Variants in DPP6 observed in about 807,000 individuals in gnomAD.
DPP6 encodes the protein A-type potassium channel modulatory protein DPP6.
Under a neutral mutation model 122.6 loss-of-function variants are expected in DPP6, and 69 were observed. That is an observed-to-expected ratio of 0.56 (90% CI 0.46 to 0.69). DPP6 has a LOEUF of 0.69. Among genes scored for constraint, DPP6 ranks in the 30% least tolerant of loss-of-function variants. DPP6 has a pLI of 0.00. For synonymous variants in DPP6, 418 were observed against 433.1 expected (o/e 0.97, Z 0.43); for missense variants, 928 against 1,116.9 (o/e 0.83, Z 2.41).
At chr7:153,935,534 A>G (rs758315) in intron 1 of DPP6, among the ~76,000 whole-genome samples, 86,068 of 152,038 alleles carry the variant, frequency 0.57, 24,809 homozygotes, top group African/African-American at 0.67. Flanking sequence ...GCCCCTCTCG[A>G]TTATGATCCA....
chr7:154,790,869 G>A (rs1797631569), intron 10 of DPP6, among the ~76,000 whole-genome samples: 1 of 147,118 alleles, frequency 6.8e-6, no homozygotes, highest in South Asian at 2.2e-4. Context: ...GAGGGAGGGA[G>A]GGAAAAAAGA....
intron 1 of DPP6, among the ~76,000 whole-genome samples, chr7:154,233,823 T>C (rs146225778): frequency 6.6e-6 from 1 of 152,288 alleles, no homozygotes; most frequent in Non-Finnish European, 1.5e-5. Context: ...ACAGCAGCCC[T>C]AGTAAACAAA....
At chr7:154,873,874 GCA>G (rs146495804) in intron 19 of DPP6, among the ~76,000 whole-genome samples, 37,701 of 119,938 alleles carry the variant, frequency 0.31, 5,689 homozygotes, top group Non-Finnish European at 0.41. Context: ...ACACCCACAG[GCA>G]CACACATGCA....
In DPP6 at chr7:154,540,631, G is replaced by A; in HGVS notation, c.552+5G>A. 6.6e-7 allele frequency: 1 copy of A among 1,515,026 alleles called. No homozygotes were observed. The highest frequency in any genetic ancestry group is 9.0e-7 in the Non-Finnish European group (1 of 1,114,274). 93.8% of individuals were successfully genotyped at this position (1,515,026 alleles called of 1,614,324 possible). A position where few individuals can be genotyped will look rare whatever the true frequency, so the allele number is the denominator to read the frequency against. On this transcript the variant is annotated splice_donor_5th_base_variant and intron_variant, in intron 4 of 25. Transcript: ENST00000377770. ...TTAATAGAAGGCAAAAAAATTGTAA[G>A]TACTCTCTTTAATGACCGGGATAAT...
intron 21 of DPP6, chr7:154,884,244 C>G (rs2150686789): frequency 6.8e-6 from 1 of 147,130 alleles, no homozygotes; most frequent in Non-Finnish European, 1.5e-5. Context: ...CACACATGCT[C>G]ACAAATTACA....
chr7:154,791,243 G>C (rs990419374), intron 10 of DPP6, among the ~76,000 whole-genome samples: 3 of 151,964 alleles, frequency 2.0e-5, no homozygotes, highest in Non-Finnish European at 4.4e-5. Flanking sequence ...AATAGAGTGA[G>C]ACTCTGTCTC....
intron 8 of DPP6, among the ~76,000 whole-genome samples, chr7:154,729,685 T>C (rs1333597300): frequency 6.6e-6 from 1 of 152,174 alleles, no homozygotes; most frequent in African/African-American, 2.4e-5. Flanking sequence ...CTAACAGACA[T>C]ACTGGAACCC....
intron 1 of DPP6, among the ~76,000 whole-genome samples, chr7:154,063,295 CCA>C (rs1482273517): frequency 3.8e-5 from 5 of 131,558 alleles, no homozygotes; most frequent in South Asian, 2.8e-4. Flanking sequence ...GAGGGACCCC[CCA>C]TGAGGCGGGG....
chr7:154,210,866 G>A (rs4626513), intron 1 of DPP6, among the ~76,000 whole-genome samples: 90,027 of 151,698 alleles, frequency 0.59, 29,841 homozygotes, highest in Non-Finnish European at 0.73. Context: ...AAAGGCAGCC[G>A]TAATCGTTAG....
At chr7:154,030,332 C>G (rs1799163747) in intron 1 of DPP6, among the ~76,000 whole-genome samples, 1 of 152,176 alleles carries the variant, frequency 6.6e-6, no homozygotes, top group Non-Finnish European at 1.5e-5. Flanking sequence ...GTTCCTTTGT[C>G]CAGTGCTGTG....
At chr7:154,594,509 A>T (rs1832976972) in intron 5 of DPP6, among the ~76,000 whole-genome samples, 1 of 152,104 alleles carries the variant, frequency 6.6e-6, no homozygotes, top group Non-Finnish European at 1.5e-5. Context: ...TGTCCTTCTC[A>T]CCCCAGGTTA....
At chr7:154,513,532 A>T (rs1446057576) in intron 3 of DPP6, among the ~76,000 whole-genome samples, 1 of 152,062 alleles carries the variant, frequency 6.6e-6, no homozygotes, top group Non-Finnish European at 1.5e-5. Flanking sequence ...TTCATGGGGG[A>T]ATGTAAGTGT....
intron 1 of DPP6, among the ~76,000 whole-genome samples, chr7:153,923,457 T>C (rs889631824): frequency 2.0e-5 from 3 of 152,100 alleles, no homozygotes; most frequent in African/African-American, 7.2e-5. Flanking sequence ...GCAGTGTTCA[T>C]GAATAGAAGG....
intron 1 of DPP6, among the ~76,000 whole-genome samples, chr7:153,965,715 G>A (rs28405686): frequency 0.092 from 13,935 of 151,442 alleles, 857 homozygotes; most frequent in Middle Eastern, 0.18. Context: ...GGTTTCACCT[G>A]TGCGGTGGCT....
intron 1 of DPP6, among the ~76,000 whole-genome samples, chr7:154,337,600 A>T (rs890341642): frequency 1.3e-5 from 2 of 152,172 alleles, no homozygotes; most frequent in Non-Finnish European, 2.9e-5. Context: ...GAGCTCAGAG[A>T]TGTCCTCTGT....
At chr7:154,304,576 C>CCT (rs373376579) in intron 1 of DPP6, among the ~76,000 whole-genome samples, 3,833 of 149,478 alleles carry the variant, frequency 0.026, 163 homozygotes, top group African/African-American at 0.089. Context: ...TTTTTTTTTT[C>CCT]CTCTCTCTCT....
intron 1 of DPP6, among the ~76,000 whole-genome samples, chr7:154,151,084 G>A (rs2150685491): frequency 6.6e-6 from 1 of 152,320 alleles, no homozygotes; most frequent in East Asian, 1.9e-4. Flanking sequence ...TGCATAGCAA[G>A]CTTGTCCCTA....
intron 1 of DPP6, among the ~76,000 whole-genome samples, chr7:154,061,403 G>T (rs1159008054): frequency 6.8e-6 from 1 of 146,890 alleles, no homozygotes; most frequent in African/African-American, 2.5e-5. Flanking sequence ...AAACTGTGGG[G>T]CCCTGGCTGA....
the DPP6 span, among the ~76,000 whole-genome samples, chr7:153,788,982 G>T: frequency 6.8e-6 from 1 of 147,782 alleles, no homozygotes; most frequent in Non-Finnish European, 1.5e-5. Flanking sequence ...AAAAAAAAAA[G>T]TATTCCTGTT....
Sources: allele counts gnomAD v4.1 joint callset (sites outside exome capture counted in the v4.1 genomes callset), GRCh38; gene constraint gnomAD v4.1.1; transcripts MANE v1.5; gene names NCBI Gene and HGNC (gene_info 2026-07-23, HGNC 2026-07-21).